The following SART3 variants were observed in gnomAD, a reference collection of about 807,000 sequenced individuals.
SART3 encodes HIV-1 Tat-interacting protein of 110kDa.
Under a neutral mutation model 122.3 loss-of-function variants are expected in SART3, and 44 were observed. That is an observed-to-expected ratio of 0.36 (90% CI 0.28 to 0.46). The LOEUF is 0.46. Ranked by LOEUF, SART3 falls within the 20% of genes least tolerant of loss-of-function variation. The pLI is 1.00. For synonymous variants in SART3, 442 were observed against 454.0 expected, an observed-to-expected ratio of 0.97 and a Z score of 0.34; for missense variants, 1,101 against 1,229.0, an observed-to-expected ratio of 0.90 and a Z score of 1.56.
rs761959735 is a variant in SART3, at chr12:108,523,450, G to A, written c.*7C>T. On this transcript the variant is annotated 3_prime_UTR_variant, in exon 19 of 19. Coordinates refer to ENST00000546815, the MANE Select transcript of SART3 (RefSeq NM_014706.4). ...AGTAAGGCATTTCCTGTCTCCCAGC[G>A]TCCCGTTCACTTTCTCAGAAACAGC... 77 of 1,611,946 alleles carry A rather than the reference G, an allele frequency of 4.8e-5. No homozygotes were observed. The highest frequency in any genetic ancestry group is 5.8e-5 in the Non-Finnish European group (68 of 1,179,880).
chr12:108,543,779 C>A (rs1873276419), intron 5 of SART3, among the ~76,000 whole-genome samples: 1 of 152,158 alleles, frequency 6.6e-6, no homozygotes, highest in Non-Finnish European at 1.5e-5. Context: ...TGAGTATGTA[C>A]AACACATGCC....
chr12:108,534,507 T>C (rs1354232236), intron 12 of SART3, among the ~76,000 whole-genome samples: 3 of 139,596 alleles, frequency 2.1e-5, no homozygotes, highest in Admixed American at 7.2e-5. Flanking sequence ...GTGCCTCTTC[T>C]AAAAAAAAAA....
At chr12:108,548,966 C>T in intron 2 of SART3, 122 bp downstream of exon 2, 1 of 1,475,176 alleles carries the variant, frequency 6.8e-7, no homozygotes, top group Non-Finnish European at 9.4e-7. Flanking sequence ...GATGCGTTTT[C>T]TTCTTTCCAC....
chr12:108,524,012 T>A, intron 18 of SART3: 1 of 549,654 alleles, frequency 1.8e-6, no homozygotes, highest in Non-Finnish European at 3.3e-6. Flanking sequence ...GGGTATGAGA[T>A]TTCTTTGTAA....
Position 108,537,416 on chromosome 12 carries a change from A to T in SART3, c.1309+72T>A, listed in dbSNP as rs780307079. On this transcript the variant is annotated intron_variant, in intron 9 of 18. Coordinates refer to ENST00000546815, the MANE Select transcript of SART3 (RefSeq NM_014706.4). ...TGCCCAATCACAATGTATCTGGGGA[A>T]CTGGGACATCTCGCCAAAAGTTGTA... 1.3e-5 allele frequency: 15 copies of T among 1,122,708 alleles called. No homozygotes were observed. The Middle Eastern group carries it at 1.5e-3, about 110-fold the overall frequency. The allele number at this position is 1,122,708 out of a possible 1,614,324, so 69.5% of individuals were successfully genotyped here. A position where few individuals can be genotyped will look rare whatever the true frequency, so the allele number is the denominator to read the frequency against.
intron 6 of SART3, among the ~76,000 whole-genome samples, chr12:108,540,669 T>C (rs998524345): frequency 6.8e-6 from 1 of 148,026 alleles, no homozygotes; most frequent in African/African-American, 2.5e-5. Flanking sequence ...CAAGATCCTC[T>C]TGAAGAGGAA....
intron 1 of SART3, among the ~76,000 whole-genome samples, chr12:108,554,701 T>TTCCTTTTAA (rs2030145469): frequency 6.7e-6 from 1 of 149,114 alleles, no homozygotes; most frequent in South Asian, 2.1e-4. Context: ...GTAAATTTAA[T>TTCCTTTTAA]AATACATTAA....
chr12:108,542,901 T>C lies in SART3; in HGVS notation c.906+127A>G, dbSNP rs754289135. 8 of 1,246,046 alleles carry C rather than the reference T, an allele frequency of 6.4e-6. No individual in the cohort carries two copies. The Admixed American group carries it at 8.6e-5, about 13-fold the overall frequency. The allele number at this position is 1,246,046 out of a possible 1,614,324, so 77.2% of individuals were successfully genotyped here. A position where few individuals can be genotyped will look rare whatever the true frequency, so the allele number is the denominator to read the frequency against. ...CACTTTATTATTAGTATGTAAACTG[T>C]ACGTATACATTTATACACTCTATAT... On this transcript the variant is annotated intron_variant, in intron 6 of 18. Transcript: ENST00000546815.
intron 1 of SART3, among the ~76,000 whole-genome samples, chr12:108,552,474 A>G (rs1456373744): frequency 9.7e-5 from 1 of 10,272 alleles, no homozygotes; most frequent in Non-Finnish European, 5.6e-4. Context: ...GAACCAATTA[A>G]AAAAAAAAAA....
intron 3 of SART3, among the ~76,000 whole-genome samples, 183 bp from the exon 4 acceptor site, chr12:108,545,506 T>C (rs910380791): frequency 1.3e-5 from 2 of 152,074 alleles, no homozygotes; most frequent in African/African-American, 2.4e-5. Flanking sequence ...GGGAAGACCA[T>C]AGATCCTCAG....
chr12:108,559,997 A>G (rs191120137), intron 1 of SART3, among the ~76,000 whole-genome samples: 5 of 152,300 alleles, frequency 3.3e-5, no homozygotes, highest in Admixed American at 2.6e-4. Context: ...TTCCGGCCCA[A>G]AGATGGACAC....
chr12:108,543,278 G>C, intron 5 of SART3, 126 bp from the exon 6 acceptor site: 4 of 1,137,438 alleles, frequency 3.5e-6, no homozygotes, highest in Non-Finnish European at 5.0e-6. Flanking sequence ...AGCTCTTACT[G>C]ATCAAATTCT....
In SART3 at chr12:108,526,546, A is replaced by G; in HGVS notation, c.1923T>C (p.Pro641=). The stretch of plus-strand genomic sequence containing the variant: ...TGTTCTCGACCCTTCTGCGTTTGGA[A>G]GGCTGCTCTACAGGTTTTCAAAAGA... The part of the protein sequence containing the change: ...KEWGDDEEEQ[P]SKRRRVENSI... The change falls in exon 16 of 19, where the codon CCT becomes CCC. Residue 641 remains proline (P), a synonymous_variant. Coordinates refer to ENST00000546815, the MANE Select transcript of SART3 (RefSeq NM_014706.4). 1.2e-6 allele frequency: 2 copies of G among 1,613,786 alleles called. No homozygotes were observed. Among genetic ancestry groups the G allele is most frequent in the South Asian group, 2.2e-5 (2 of 91,082 alleles).
intron 1 of SART3, among the ~76,000 whole-genome samples, chr12:108,551,176 T>C (rs531377311): frequency 6.6e-6 from 1 of 152,196 alleles, no homozygotes; most frequent in Admixed American, 6.5e-5. Flanking sequence ...AATTAAAAAG[T>C]TGAAGCGGAC....
At chr12:108,529,565 C>T (rs1031880245) in intron 15 of SART3, among the ~76,000 whole-genome samples, 1 of 152,160 alleles carries the variant, frequency 6.6e-6, no homozygotes, top group Non-Finnish European at 1.5e-5. Context: ...CTAGCCAAAC[C>T]TGGGATAAGT....
At chr12:108,525,158 C>A (rs1183937849) in intron 17 of SART3, among the ~76,000 whole-genome samples, 2 of 152,356 alleles carry the variant, frequency 1.3e-5, no homozygotes, top group East Asian at 3.9e-4. Context: ...CACCCCAAAG[C>A]CCGTATGCTG....
In SART3 at chr12:108,526,537, G is replaced by T; in HGVS notation, c.1932C>A (p.Arg644=). 6.2e-7 allele frequency: 1 copy of T among 1,613,950 alleles called. No individual in the cohort carries two copies. ...CAGGGATGCTGTTCTCGACCCTTCT[G>T]CGTTTGGAAGGCTGCTCTACAGGTT... ...GDDEEEQPSK[R]RRVENSIPAA... Residue 644 remains arginine (R), a synonymous_variant, in exon 16 of 19, where the codon CGC becomes CGA. Coordinates refer to ENST00000546815, the MANE Select transcript of SART3 (RefSeq NM_014706.4).
In SART3 at chr12:108,559,044, A is replaced by AG. The variant is rs1361882389; in HGVS notation, c.312+1798_312+1799insC. Among the ~76,000 whole-genome samples the AG allele has an allele frequency of 2.7e-5, 4 of 145,534 alleles. No individual in the cohort carries two copies. The East Asian group carries it at 5.9e-4, about 21-fold the overall frequency. ...CAAGACTCCGTCTCAAAAAAGAAAAAAAAAAAAAAAAAAAAAAGTAGAAAT... is the reference window on the plus strand; with the variant it reads ...CAAGACTCCGTCTCAAAAAAGAAAAAGAAAAAAAAAAAAAAAAAGTAGAAAT... On this transcript the variant is annotated intron_variant, in intron 1 of 18. Transcript: ENST00000546815.
chr12:108,524,252 C>T (rs1231558125), intron 18 of SART3, 64 bp downstream of exon 18: 10 of 1,340,406 alleles, frequency 7.5e-6, no homozygotes, highest in South Asian at 1.2e-5. Context: ...TTAATCCCCC[C>T]GTGATCCATG....
Sources: gnomAD v4.1 joint callset for allele counts (sites outside exome capture counted in the v4.1 genomes callset) on GRCh38, gnomAD v4.1.1 for gene constraint, MANE v1.5 for transcripts, NCBI Gene and HGNC (gene_info 2026-07-23, HGNC 2026-07-21) for gene names.